Variants in PCID2 observed in about 807,000 individuals in gnomAD.
The protein encoded by PCID2 is PCI domain containing 2.
In PCID2, 41 loss-of-function variants were observed where a neutral mutation model predicts 61.3. The observed-to-expected ratio is 0.67, with a 90% CI of 0.52 to 0.87. The LOEUF is 0.87. Among genes scored for constraint, PCID2 ranks in the 40% least tolerant of loss-of-function variants. The pLI is 0.00. For missense variants in PCID2, 392 were observed against 493.4 expected (o/e 0.79, Z 1.95); for synonymous variants, 187 against 177.8 (o/e 1.05, Z -0.41).
the PCID2 span, chr13:113,171,883 C>T: frequency 9.3e-6 from 15 of 1,613,690 alleles, no homozygotes; most frequent in Non-Finnish European, 1.3e-5. The surrounding 1 kb of genome is among the most constrained non-coding windows in gnomAD (Gnocchi z 5.1). Flanking sequence ...GGGAGGAGTG[C>T]GGGCAGGTCC....
chr13:113,204,883 T>C (rs2039692572), intron 1 of PCID2, among the ~76,000 whole-genome samples: 1 of 152,054 alleles, frequency 6.6e-6, no homozygotes. Context: ...CCTTCAGCCC[T>C]CAATGGGACC....
intron 1 of PCID2, among the ~76,000 whole-genome samples, chr13:113,201,815 CAAA>C (rs34103745): frequency 6.7e-5 from 4 of 59,376 alleles, no homozygotes; most frequent in East Asian, 4.1e-4. Flanking sequence ...GACTCCGTCT[CAAA>C]AAAAAAAAAA....
the PCID2 span, chr13:113,172,340 G>A: frequency 1.7e-6 from 1 of 573,852 alleles, no homozygotes; most frequent in African/African-American, 1.9e-5. Flanking sequence ...AAGAAAACAT[G>A]AGATACGTTA....
intron 7 of PCID2, among the ~76,000 whole-genome samples, chr13:113,190,023 C>CA (rs1171070892): frequency 0.041 from 5,327 of 131,460 alleles, 148 homozygotes; most frequent in Non-Finnish European, 0.061. Flanking sequence ...AGTCTTGTCT[C>CA]AAAAAAAAAA....
At chr13:113,182,328 G>C (rs1008242136) in intron 9 of PCID2, among the ~76,000 whole-genome samples, 1 of 152,072 alleles carries the variant, frequency 6.6e-6, no homozygotes, top group Non-Finnish European at 1.5e-5. Flanking sequence ...AAACCACAAA[G>C]CCATGACCCA....
Position 113,179,156 on chromosome 13 carries a change from G to A in PCID2, c.987-67C>T. The A allele has an allele frequency of 1.4e-6, 2 of 1,446,566 alleles. No homozygotes were observed. Among genetic ancestry groups the A allele is most frequent in the Admixed American group, 2.2e-5 (1 of 45,970 alleles). The allele number at this position is 1,446,566 out of a possible 1,614,324, so 89.6% of individuals were successfully genotyped here. A position where few individuals can be genotyped will look rare whatever the true frequency, so the allele number is the denominator to read the frequency against. On this transcript the variant is annotated intron_variant, in intron 12 of 13. Transcript: ENST00000337344. This position sits in a 1 kb window ranked among gnomAD's most constrained non-coding sequence, Gnocchi z 4.3. ...ATGCAATACTCCACAGCCAAGAAAAGGCACCTCTTAATAAGCCGGTGTTCT... is the reference window on the plus strand; with the variant it reads ...ATGCAATACTCCACAGCCAAGAAAAAGCACCTCTTAATAAGCCGGTGTTCT...
downstream of PCID2, among the ~76,000 whole-genome samples, chr13:113,176,538 A>AATTGCCCCGACAG: frequency 2.0e-5 from 1 of 50,748 alleles, no homozygotes. Flanking sequence ...GAGGTGGGGG[A>AATTGCCCCGACAG]ATTGCTTTAG....
chr13:113,192,032 A>G (rs1469431255), intron 6 of PCID2, among the ~76,000 whole-genome samples: 1 of 152,220 alleles, frequency 6.6e-6, no homozygotes, highest in African/African-American at 2.4e-5. Flanking sequence ...CTGAGGTGGG[A>G]GAATCACTTG....
At chr13:113,195,702 C>T (rs1033141945) in intron 5 of PCID2, among the ~76,000 whole-genome samples, 3 of 151,728 alleles carry the variant, frequency 2.0e-5, no homozygotes, top group Non-Finnish European at 4.4e-5. Context: ...GGTTTGTTTG[C>T]AAAAGGCCTT....
At chr13:113,198,965 T>G (rs543860459) in intron 2 of PCID2, among the ~76,000 whole-genome samples, 11 of 152,240 alleles carry the variant, frequency 7.2e-5, no homozygotes, top group African/African-American at 2.4e-4. Context: ...TCTTCTCGGC[T>G]TCCTGCTGAG....
At chr13:113,175,719 C>G (rs994506287), downstream of PCID2, among the ~76,000 whole-genome samples, 3 of 152,224 alleles carry the variant, frequency 2.0e-5, no homozygotes, top group African/African-American at 7.2e-5. Flanking sequence ...CAAGAGGATC[C>G]TTGGCATGAA....
chr13:113,205,776 CAG>C (rs1347000175), intron 1 of PCID2, among the ~76,000 whole-genome samples: 1 of 152,194 alleles, frequency 6.6e-6, no homozygotes, highest in East Asian at 1.9e-4. Context: ...TCCATACAGA[CAG>C]AGAGCACATT....
At chr13:113,184,578 A>C (rs1374779319) in intron 8 of PCID2, 91 bp from the exon 9 acceptor site, 1 of 731,230 alleles carries the variant, frequency 1.4e-6, no homozygotes, top group Non-Finnish European at 2.4e-6. Context: ...TAAAATGCAA[A>C]TTACAAAACC....
intron 7 of PCID2, chr13:113,187,238 G>A (rs2038198699): frequency 6.6e-6 from 1 of 152,198 alleles, no homozygotes; most frequent in Non-Finnish European, 1.5e-5. Flanking sequence ...TAGCTGGTCT[G>A]GCACCAGGAA....
rs543279818 is a variant in PCID2 at position 113,197,195 on chromosome 13, G to A, written c.249C>T (p.Cys83=). 2.0e-5 allele frequency: 32 copies of A among 1,614,122 alleles called. No homozygotes were observed. Among genetic ancestry groups the A allele is most frequent in the Admixed American group, 5.0e-5 (3 of 60,016 alleles). The change falls in exon 4 of 14, where the codon TGC becomes TGT. Residue 83 remains cysteine (C), a synonymous_variant. Transcript: ENST00000337344. The part of the protein sequence containing the change: ...GNHDFIEAYK[C]QTVIVQSFLR... ...AAGGATATTGGACTATCACGGTCTG[G>A]CACTTGTATGCCTCTATGAAGTCAT...
downstream of PCID2, among the ~76,000 whole-genome samples, chr13:113,174,822 T>G (rs1475456825): frequency 6.6e-6 from 1 of 152,234 alleles, no homozygotes; most frequent in Admixed American, 6.5e-5. Context: ...AGTTCACACT[T>G]GGGCAGAGAT....
the PCID2 span, chr13:113,170,283 G>A: frequency 1.1e-4 from 66 of 624,414 alleles, no homozygotes; most frequent in African/African-American, 2.0e-4. Context: ...AATCAAATAC[G>A]GCTGTCTGCC....
chr13:113,172,713 A>T (rs2037137871), downstream of PCID2, among the ~76,000 whole-genome samples: 1 of 152,144 alleles, frequency 6.6e-6, no homozygotes, highest in Non-Finnish European at 1.5e-5. Context: ...GGGGTTGTGC[A>T]CCCGCCCTTC....
At chr13:113,178,585 C>T (rs1354976304) in intron 13 of PCID2, 5 of 384,742 alleles carry the variant, frequency 1.3e-5, no homozygotes, top group South Asian at 9.7e-5. Flanking sequence ...TACAGTACAA[C>T]AGCTATCTAC....
Sources: gnomAD v4.1 joint callset for allele counts (sites outside exome capture counted in the v4.1 genomes callset) on GRCh38, gnomAD v4.1.1 for gene constraint, Gnocchi (gnomAD v3.1) non-coding constraint, MANE v1.5 for transcripts, NCBI Gene and HGNC (gene_info 2026-07-23, HGNC 2026-07-21) for gene names.